Variants in GPHN observed in about 807,000 individuals in gnomAD.
GPHN encodes the protein gephyrin.
In GPHN, 17 loss-of-function variants were observed where a neutral mutation model predicts 95.5. The observed-to-expected ratio is 0.18, with a 90% CI of 0.12 to 0.27. The LOEUF (loss-of-function observed/expected upper bound fraction) is 0.27, where lower values mean the gene tolerates loss of function less well. GPHN is among the 10% of genes least tolerant of loss of function. The probability of loss-of-function intolerance (pLI) is 1.00; values close to 1 mark genes in which losing one functional copy is unlikely to be tolerated. For missense variants in GPHN, 660 were observed against 978.1 expected, an observed-to-expected ratio of 0.67 and a Z score of 4.34; for synonymous variants, 320 against 322.5, an observed-to-expected ratio of 0.99 and a Z score of 0.08.
chr14:67,060,040 CTT>C (rs1326725108), intron 11 of GPHN, among the ~76,000 whole-genome samples: 1 of 151,814 alleles, frequency 6.6e-6, no homozygotes, highest in African/African-American at 2.4e-5. Flanking sequence ...TGAATGTAAA[CTT>C]AAGTTATAAA....
At chr14:66,950,152 T>C (rs1467559215) in intron 8 of GPHN, among the ~76,000 whole-genome samples, 2 of 152,196 alleles carry the variant, frequency 1.3e-5, no homozygotes, top group Non-Finnish European at 2.9e-5. Flanking sequence ...AGTTTGAGAT[T>C]ATCTGGGACA....
At chr14:66,791,755 T>C (rs973253950) in intron 3 of GPHN, among the ~76,000 whole-genome samples, 2 of 152,224 alleles carry the variant, frequency 1.3e-5, no homozygotes, top group Non-Finnish European at 2.9e-5. Flanking sequence ...CCACAGCCTG[T>C]TTTATCAGCA....
At chr14:66,640,717 G>A (rs1481083175) in intron 1 of GPHN, among the ~76,000 whole-genome samples, 1 of 152,160 alleles carries the variant, frequency 6.6e-6, no homozygotes, top group Non-Finnish European at 1.5e-5. Flanking sequence ...CCTATGTGTT[G>A]AGGCTTTCCT....
the GPHN span, chr14:67,337,631 C>T: frequency 1.3e-5 from 2 of 152,080 alleles, no homozygotes; most frequent in African/African-American, 4.8e-5. Flanking sequence ...CATGGCTAAT[C>T]ATGTCAAAAA....
the GPHN span, among the ~76,000 whole-genome samples, chr14:67,711,592 C>T: frequency 6.6e-6 from 1 of 152,306 alleles, no homozygotes; most frequent in African/African-American, 2.4e-5. Context: ...GTACACAACA[C>T]ATAAATGCAT....
the GPHN span, among the ~76,000 whole-genome samples, chr14:67,604,695 G>A: frequency 2.7e-5 from 4 of 150,326 alleles, no homozygotes; most frequent in Admixed American, 2.7e-4. Context: ...GTAACAGAGC[G>A]AGAAAAAACA....
chr14:67,526,292 G>A, the GPHN span, among the ~76,000 whole-genome samples: 1,642 of 151,822 alleles, frequency 0.011, 27 homozygotes, highest in African/African-American at 0.038. Context: ...AGAGCAAAAA[G>A]GATCCTTGAC....
At chr14:66,522,175 T>C (rs1217542584) in intron 1 of GPHN, among the ~76,000 whole-genome samples, 1 of 152,146 alleles carries the variant, frequency 6.6e-6, no homozygotes, top group Non-Finnish European at 1.5e-5. Context: ...TCATACTCTA[T>C]ATAAAAGAGT....
chr14:66,820,468 G>T (rs2153489740), intron 3 of GPHN, among the ~76,000 whole-genome samples: 1 of 152,246 alleles, frequency 6.6e-6, no homozygotes, highest in South Asian at 2.1e-4. Flanking sequence ...ATCATTATGT[G>T]AGGACTGTCA....
intron 1 of GPHN, among the ~76,000 whole-genome samples, chr14:66,610,201 A>G (rs935747822): frequency 6.6e-6 from 1 of 150,594 alleles, no homozygotes; most frequent in South Asian, 2.1e-4. Context: ...TATTGGCAGA[A>G]TATTTTTGGT....
At chr14:67,592,786 C>A in the GPHN span, 1 of 1,007,072 alleles carries the variant, frequency 9.9e-7, no homozygotes, top group East Asian at 2.6e-5. Flanking sequence ...TTTCTTTTTC[C>A]TTTATTTATT....
chr14:66,588,064 C>G (rs986636975), intron 1 of GPHN, among the ~76,000 whole-genome samples: 1 of 152,196 alleles, frequency 6.6e-6, no homozygotes, highest in African/African-American at 2.4e-5. Context: ...CTTTGCTGTT[C>G]TGCAGCCTCC....
the GPHN span, among the ~76,000 whole-genome samples, chr14:67,456,461 G>C: frequency 6.6e-6 from 1 of 152,044 alleles, no homozygotes; most frequent in Non-Finnish European, 1.5e-5. Flanking sequence ...AATCAGCTGG[G>C]CATGGTGGTA....
chr14:67,168,672 C>CA (rs965496755), intron 20 of GPHN, among the ~76,000 whole-genome samples: 17 of 152,120 alleles, frequency 1.1e-4, no homozygotes, highest in Non-Finnish European at 2.2e-4. Context: ...AGCTGGCTCT[C>CA]AGGAAAGCGG....
At chr14:66,899,221 GT>G (rs938987615) in intron 5 of GPHN, among the ~76,000 whole-genome samples, 1 of 150,984 alleles carries the variant, frequency 6.6e-6, no homozygotes, top group Admixed American at 6.6e-5. Context: ...AATAGGGGTA[GT>G]TTTACTTCAT....
intron 2 of GPHN, among the ~76,000 whole-genome samples, chr14:66,746,611 G>A (rs2058160592): frequency 6.7e-6 from 1 of 150,236 alleles, no homozygotes; most frequent in South Asian, 2.1e-4. Flanking sequence ...ACAACTTTAT[G>A]TAGTTGCTTT....
intron 17 of GPHN, 30 bp downstream of exon 17, chr14:67,122,407 TG>T (rs1567363941): frequency 6.2e-7 from 1 of 1,603,080 alleles, no homozygotes; most frequent in East Asian, 2.2e-5. Context: ...CTGAAAAGTT[TG>T]TATTGTACAA....
At chr14:67,623,411 G>A in the GPHN span, among the ~76,000 whole-genome samples, 20 of 152,160 alleles carry the variant, frequency 1.3e-4, no homozygotes, top group South Asian at 6.2e-4. Flanking sequence ...ACAGGCTGCC[G>A]GTGTTACCAT....
chr14:67,698,881 A>G, the GPHN span, among the ~76,000 whole-genome samples: 1 of 152,170 alleles, frequency 6.6e-6, no homozygotes, highest in Non-Finnish European at 1.5e-5. Context: ...TTACAAAAAC[A>G]AACAGTGGGC....
Sources: allele counts gnomAD v4.1 joint callset (sites outside exome capture counted in the v4.1 genomes callset), GRCh38; gene constraint gnomAD v4.1.1; transcripts MANE v1.5; gene names NCBI Gene and HGNC (gene_info 2026-07-23, HGNC 2026-07-21).